The following INPP4B variants were observed in gnomAD, a reference collection of about 807,000 sequenced individuals.
INPP4B encodes the protein inositol polyphosphate 4-phosphatase type II.
A neutral mutation model predicts 122.5 loss-of-function variants in INPP4B; 55 were observed. The ratio of observed to expected loss-of-function variants is 0.45; its 90% CI spans 0.36 to 0.56. INPP4B has a LOEUF of 0.56. Among genes scored for constraint, INPP4B ranks in the 20% least tolerant of loss-of-function variants. INPP4B has a pLI of 0.00. For missense variants in INPP4B, 1,000 were observed against 1,097.7 expected (o/e 0.91, Z 1.26); for synonymous variants, 403 against 388.7 (o/e 1.04, Z -0.43).
intron 1 of INPP4B, among the ~76,000 whole-genome samples, chr4:142,814,943 A>ACC (rs2151133961): frequency 6.6e-6 from 1 of 152,256 alleles, no homozygotes; most frequent in Non-Finnish European, 1.5e-5. Context: ...GGGAGAGAGT[A>ACC]ACGATGGGGT....
At chr4:142,491,579 C>T (rs1821879481) in intron 2 of INPP4B, among the ~76,000 whole-genome samples, 1 of 152,152 alleles carries the variant, frequency 6.6e-6, no homozygotes, top group Admixed American at 6.5e-5. Flanking sequence ...ATTGCTTGAA[C>T]CCGGGAGGTG....
chr4:142,604,368 T>C (rs1171378302), intron 2 of INPP4B, among the ~76,000 whole-genome samples: 2 of 152,034 alleles, frequency 1.3e-5, no homozygotes, highest in Non-Finnish European at 2.9e-5. Context: ...ATACTGTAAG[T>C]TCTAGCAGAG....
intron 15 of INPP4B, among the ~76,000 whole-genome samples, chr4:142,180,906 A>C (rs1415713596): frequency 6.6e-6 from 1 of 152,204 alleles, no homozygotes; most frequent in Non-Finnish European, 1.5e-5. Flanking sequence ...CACAAATTAA[A>C]GAATTTCAGA....
At chr4:142,388,060 T>G (rs1416361508) in intron 7 of INPP4B, among the ~76,000 whole-genome samples, 2 of 152,350 alleles carry the variant, frequency 1.3e-5, no homozygotes, top group South Asian at 2.1e-4. Context: ...AACTTCCAAG[T>G]TCTCTTCTTA....
At chr4:142,266,464 T>C (rs1258882482) in intron 10 of INPP4B, among the ~76,000 whole-genome samples, 6 of 151,910 alleles carry the variant, frequency 3.9e-5, no homozygotes, top group African/African-American at 1.5e-4. Context: ...TGAAAGAAAA[T>C]ATTTGATATT....
At chr4:142,703,835 G>A (rs1762122746) in intron 2 of INPP4B, among the ~76,000 whole-genome samples, 2 of 152,186 alleles carry the variant, frequency 1.3e-5, no homozygotes, top group African/African-American at 4.8e-5. Flanking sequence ...TGAACTAGCA[G>A]CACCAGACTA....
chr4:142,188,310 AC>A (rs1395408219), intron 15 of INPP4B, among the ~76,000 whole-genome samples: 1 of 151,242 alleles, frequency 6.6e-6, no homozygotes, highest in African/African-American at 2.4e-5. Flanking sequence ...ACACGGTGAA[AC>A]CCTGGCTCTA....
At chr4:142,235,579 G>A (rs780520236) in intron 12 of INPP4B, among the ~76,000 whole-genome samples, 2 of 151,852 alleles carry the variant, frequency 1.3e-5, no homozygotes, top group Non-Finnish European at 2.9e-5. Flanking sequence ...CCACCACCAC[G>A]CCTGGATAAT....
chr4:142,432,733 A>G (rs1294193682), intron 3 of INPP4B, among the ~76,000 whole-genome samples: 1 of 152,166 alleles, frequency 6.6e-6, no homozygotes, highest in Admixed American at 6.6e-5. Context: ...TGACTTGGAC[A>G]TGAGGACTAT....
At chr4:142,320,516 A>G (rs750738996) in intron 7 of INPP4B, among the ~76,000 whole-genome samples, 89 of 152,110 alleles carry the variant, frequency 5.9e-4, no homozygotes, top group Non-Finnish European at 9.7e-4. Context: ...TTTAATTTTA[A>G]TAGGTTTTGG....
rs1784188860 is a variant in INPP4B at position 142,846,198 on chromosome 4, C to G, written c.-254+11G>C. On this transcript the variant is annotated intron_variant, in intron 1 of 25. Transcript: ENST00000262992. The surrounding 1 kb of genome is among the most constrained non-coding windows in gnomAD (Gnocchi z 5.1). ...CCCCACCGAGCCCTAGGATCCCAGG[C>G]GGGTAATTACCTCTCCCGGAGGCGG... 6.6e-6 allele frequency: 1 copy of G among 152,398 alleles called. No homozygotes were observed. Among genetic ancestry groups the G allele is most frequent in the Non-Finnish European group, 1.5e-5 (1 of 68,304 alleles). 9.4% of individuals were successfully genotyped at this position (152,398 alleles called of 1,614,324 possible).
At chr4:142,269,012 C>T (rs188875133) in intron 10 of INPP4B, among the ~76,000 whole-genome samples, 20 of 152,178 alleles carry the variant, frequency 1.3e-4, no homozygotes, top group Admixed American at 9.2e-4. Flanking sequence ...TATAAAATAG[C>T]CTTAATACAG....
At chr4:142,336,714 G>C (rs548877307) in intron 7 of INPP4B, among the ~76,000 whole-genome samples, 2 of 152,192 alleles carry the variant, frequency 1.3e-5, no homozygotes, top group African/African-American at 4.8e-5. Context: ...GCCCAGTCAC[G>C]GGCTGCAGCA....
intron 2 of INPP4B, among the ~76,000 whole-genome samples, chr4:142,645,715 T>G (rs1305975944): frequency 2.0e-5 from 3 of 152,186 alleles, no homozygotes; most frequent in Non-Finnish European, 4.4e-5. Context: ...TATCAGCTGT[T>G]GAATTCTTGT....
rs566540499 is a variant in INPP4B at position 142,403,541 on chromosome 4, AT to A, written c.256-488del. On this transcript the variant is annotated intron_variant, in intron 6 of 25. Transcript: ENST00000262992. ...ATTTGTTTTTAGATGTTCAGCTATG[AT>A]TTTTTTTTTCCTCAGAATCACTTGA... 5.5e-3 allele frequency among the ~76,000 whole-genome samples: 822 copies of A among 150,354 alleles called. 3 individuals carry two copies. Among genetic ancestry groups the A allele is most frequent in the South Asian group, 0.013 (63 of 4,758 alleles).
At chr4:142,658,987 C>T in intron 2 of INPP4B, among the ~76,000 whole-genome samples, 1 of 152,156 alleles carries the variant, frequency 6.6e-6, no homozygotes, top group Non-Finnish European at 1.5e-5. Flanking sequence ...TTAAAGCCAA[C>T]CCAAAAGGCG....
intron 12 of INPP4B, among the ~76,000 whole-genome samples, chr4:142,234,196 T>C (rs79219652): frequency 0.017 from 2,659 of 152,302 alleles, 88 homozygotes; most frequent in African/African-American, 0.061. Context: ...GTCCAGCTCT[T>C]TGTCCTGCAC....
At chr4:142,820,140 G>A (rs1470088506) in intron 1 of INPP4B, among the ~76,000 whole-genome samples, 3 of 152,084 alleles carry the variant, frequency 2.0e-5, no homozygotes, top group African/African-American at 7.2e-5. Context: ...AATTTAGATT[G>A]TATTGGAATA....
chr4:142,412,244 A>G (rs1027018166), intron 5 of INPP4B, among the ~76,000 whole-genome samples: 1 of 152,204 alleles, frequency 6.6e-6, no homozygotes, highest in African/African-American at 2.4e-5. Flanking sequence ...TATATCATAC[A>G]TTAAAAGATA....
Sources: gnomAD v4.1 joint callset for allele counts (sites outside exome capture counted in the v4.1 genomes callset) on GRCh38, gnomAD v4.1.1 for gene constraint, Gnocchi (gnomAD v3.1) non-coding constraint, MANE v1.5 for transcripts, NCBI Gene and HGNC (gene_info 2026-07-23, HGNC 2026-07-21) for gene names.